PRSS16: variants seen among roughly 807,000 people sequenced by gnomAD.
The protein encoded by PRSS16 is serine protease 16, also known as thymus-specific serine protease.
Under a neutral mutation model 61.7 loss-of-function variants are expected in PRSS16, and 43 were observed. That is an observed-to-expected ratio of 0.70 (90% CI 0.55 to 0.90). The LOEUF (loss-of-function observed/expected upper bound fraction) is 0.90. PRSS16 is among the 40% of genes least tolerant of loss of function. PRSS16 has a pLI of 0.00. For synonymous variants in PRSS16, 273 were observed against 285.2 expected (o/e 0.96, Z 0.43); for missense variants, 591 against 659.1 (o/e 0.90, Z 1.13).
intron 2 of PRSS16, 90 bp downstream of exon 2, chr6:27,248,138 C>A: frequency 7.2e-7 from 1 of 1,398,284 alleles, no homozygotes; most frequent in Non-Finnish European, 9.7e-7. Context: ...TTTTCTCTCT[C>A]CACACCTCAG....
Position 27,249,120 on chromosome 6 carries a change from C to G in PRSS16, c.358C>G (p.Pro120Ala). 2 of 1,547,560 alleles carry G rather than the reference C, an allele frequency of 1.3e-6. No individual in the cohort carries two copies. Among genetic ancestry groups the G allele is most frequent in the Non-Finnish European group, 1.8e-6 (2 of 1,139,626 alleles). Residue 120 changes from proline to alanine, a missense_variant, in exon 4 of 12, where the codon CCA (proline) becomes GCA (alanine). Physicochemically the swap from Pro to Ala is conservative, Grantham distance 27. Transcript: ENST00000230582. ...CACAGGCCATCCCGCAGCCTTGGCC[C>G]CAGCCTGGGGCGCCCTGGTGATAAG... Reference protein sequence around the residue: ...VMRGHPAALAPAWGALVISLE... With the variant: ...VMRGHPAALAAAWGALVISLE...
chr6:27,248,519 T>A (rs1393924945), intron 2 of PRSS16, among the ~76,000 whole-genome samples: 2 of 152,118 alleles, frequency 1.3e-5, no homozygotes, highest in African/African-American at 4.8e-5. Flanking sequence ...CCCACTTGGA[T>A]CTTATTCCTA....
chr6:27,253,294 G>A, intron 9 of PRSS16: 1 of 338,656 alleles, frequency 3.0e-6, no homozygotes, highest in South Asian at 2.7e-5. Context: ...TAGCTAGCCT[G>A]TCAATTACTG....
Position 27,250,816 on chromosome 6 carries a change from C to G in PRSS16, c.591+10C>G, listed in dbSNP as rs1409959137. 2 of 1,602,720 alleles carry G rather than the reference C, an allele frequency of 1.2e-6. No homozygotes were observed. Among genetic ancestry groups the G allele is most frequent in the Admixed American group, 3.4e-5 (2 of 58,906 alleles). ...CTGGGCCCGGCTGAAGGTCCTGCGA[C>G]TCCTCCGGGTGGGCTGGGGGGAGGG... On this transcript the variant is annotated intron_variant, in intron 5 of 11. Coordinates refer to ENST00000230582, the MANE Select transcript of PRSS16 (RefSeq NM_005865.4).
intron 9 of PRSS16, chr6:27,253,268 C>T (rs114857023): frequency 0.026 from 9,701 of 377,102 alleles, 154 homozygotes; most frequent in Non-Finnish European, 0.033. Context: ...GTTTTAGTTG[C>T]TTCCTTCCCA....
At position 27,250,764 on chromosome 6, in the gene PRSS16, A is replaced by AG. The variant is rs1434941056; in HGVS notation, c.551dup (p.Ser185LeufsTer38). ...CCTCCAGCCCCTGGATCTGCTTCGG[A>AG]GGCTCCTATGCCGGCTCCTTGGCCG... On this transcript the variant is annotated frameshift_variant, in exon 5 of 12. Transcript: ENST00000230582. LOFTEE classifies it high-confidence loss of function. 1 of 1,613,604 alleles carries AG rather than the reference A, an allele frequency of 6.2e-7. No individual in the cohort carries two copies. The highest frequency in any genetic ancestry group is 1.7e-5 in the Admixed American group (1 of 59,938).
intron 9 of PRSS16, chr6:27,253,276 C>T (rs1759958147): frequency 5.5e-6 from 2 of 364,578 alleles, no homozygotes; most frequent in Non-Finnish European, 1.1e-5. Flanking sequence ...TGCTTCCTTC[C>T]CATTTTCTAG....
intron 2 of PRSS16, 102 bp downstream of exon 2, chr6:27,248,150 T>C: frequency 7.7e-7 from 1 of 1,305,222 alleles, no homozygotes; most frequent in Non-Finnish European, 1.0e-6. Flanking sequence ...ACACCTCAGT[T>C]CTCCCCATCC....
rs565399183 is a variant in PRSS16, at chr6:27,254,853, C to A, written c.1311C>A (p.Asn437Lys). ...SYYGGQTPGA[N>K]KVLFVNGDTD... ...ACGGTGGCCAGACCCCTGGGGCTAA[C>A]AAAGTGCTGTTTGTTAATGGTGAGC... Residue 437 changes from asparagine to lysine, a missense_variant, in exon 10 of 12, where the codon AAC (asparagine) becomes AAA (lysine). Physicochemically the swap from Asn to Lys is moderately conservative, Grantham distance 94. Coordinates refer to ENST00000230582, the MANE Select transcript of PRSS16 (RefSeq NM_005865.4). 5.6e-6 allele frequency: 9 copies of A among 1,614,090 alleles called. No homozygotes were observed. The highest frequency in any genetic ancestry group is 1.3e-5 in the African/African-American group (1 of 75,026).
chr6:27,248,774 G>A (rs2113725296), intron 2 of PRSS16, 73 bp from the exon 3 acceptor site: 1 of 986,312 alleles, frequency 1.0e-6, no homozygotes, highest in Non-Finnish European at 1.5e-6. Context: ...AAGAGAGACT[G>A]GAACAAATGA....
Position 27,251,570 on chromosome 6 carries a change from C to A in PRSS16, c.718-180C>A. On this transcript the variant is annotated intron_variant, in intron 7 of 11. Coordinates refer to ENST00000230582, the MANE Select transcript of PRSS16 (RefSeq NM_005865.4). The surrounding 1 kb of genome is among the most constrained non-coding windows in gnomAD (Gnocchi z 5.6). ...TGCAGGGAAGACCCGAGAAGGAGGG[C>A]TGCGAGGCAGGGGATTGGGGGCGGG... The A allele has an allele frequency of 2.0e-6, 1 of 510,400 alleles. No homozygotes were observed. Among genetic ancestry groups the A allele is most frequent in the Non-Finnish European group, 2.9e-6 (1 of 342,544 alleles). 31.6% of individuals were successfully genotyped at this position (510,400 alleles called of 1,614,324 possible). A position where few individuals can be genotyped will look rare whatever the true frequency, so the allele number is the denominator to read the frequency against.
rs1445007417 is a variant in PRSS16 at position 27,249,158 on chromosome 6, AT to A, written c.400del (p.Tyr134MetfsTer3). 1 of 1,608,196 alleles carries A rather than the reference AT, an allele frequency of 6.2e-7. No homozygotes were observed. The highest frequency in any genetic ancestry group is 8.5e-7 in the Non-Finnish European group (1 of 1,179,048). ...CCCTGGTGATAAGCCTGGAACACAG[AT>A]TTTATGGCCTGAGTATACCTGCTGG... Reference protein sequence around the residue: ...GALVISLEHRFYGLSIPAGGL... With the variant: ...GALVISLEHRXYGLSIPAGGL... On this transcript the variant is annotated frameshift_variant, in exon 4 of 12. Transcript: ENST00000230582. LOFTEE classifies it high-confidence loss of function.
At chr6:27,253,006 C>G in intron 9 of PRSS16, 57 bp downstream of exon 9, 1 of 1,609,482 alleles carries the variant, frequency 6.2e-7, no homozygotes. Context: ...TTACTATGCC[C>G]AGAGAAGTCA....
Position 27,252,663 on chromosome 6 carries a change from C to T in PRSS16, c.1009-145C>T, listed in dbSNP as rs887049156. On this transcript the variant is annotated intron_variant, in intron 8 of 11. Coordinates refer to ENST00000230582, the MANE Select transcript of PRSS16 (RefSeq NM_005865.4). The surrounding 1 kb of genome is among the most constrained non-coding windows in gnomAD (Gnocchi z 4.2). ...ACTCACAAGGACCCAGGCATCCACC[C>T]CCTCTGACCACTGACTCCCAGGAGA... 2.8e-5 allele frequency: 22 copies of T among 781,104 alleles called. No individual in the cohort carries two copies. Among genetic ancestry groups the T allele is most frequent in the Middle Eastern group, 3.8e-4 (1 of 2,656 alleles). 48.4% of individuals were successfully genotyped at this position (781,104 alleles called of 1,614,324 possible). A position where few individuals can be genotyped will look rare whatever the true frequency, so the allele number is the denominator to read the frequency against.
intron 4 of PRSS16, among the ~76,000 whole-genome samples, chr6:27,250,334 TCTC>T (rs1401637826): frequency 6.6e-6 from 1 of 152,186 alleles, no homozygotes; most frequent in Non-Finnish European, 1.5e-5. Context: ...GACCCCTCCT[TCTC>T]CTCTTAGTAG....
Position 27,252,609 on chromosome 6 carries a change from G to T in PRSS16, c.1009-199G>T, listed in dbSNP as rs919913415. ...TGCCCAAGCTCTCACAGGTAATAAGGTCTCAGTCTTCTAGTGCATTGATCT... is the reference window on the plus strand; with the variant it reads ...TGCCCAAGCTCTCACAGGTAATAAGTTCTCAGTCTTCTAGTGCATTGATCT... On this transcript the variant is annotated intron_variant, in intron 8 of 11. Coordinates refer to ENST00000230582, the MANE Select transcript of PRSS16 (RefSeq NM_005865.4). The surrounding 1 kb of genome is among the most constrained non-coding windows in gnomAD (Gnocchi z 4.2). Among the ~76,000 whole-genome samples the T allele has an allele frequency of 2.0e-5, 3 of 152,088 alleles. No individual in the cohort carries two copies. Among genetic ancestry groups the T allele is most frequent in the Non-Finnish European group, 4.4e-5 (3 of 68,018 alleles).
In PRSS16 at chr6:27,255,492, T is replaced by G; in HGVS notation, c.*177T>G. 1 of 613,060 alleles carries G rather than the reference T, an allele frequency of 1.6e-6. No homozygotes were observed. Among genetic ancestry groups the G allele is most frequent in the South Asian group, 2.1e-5 (1 of 48,570 alleles). 38.0% of individuals were successfully genotyped at this position (613,060 alleles called of 1,614,324 possible). On this transcript the variant is annotated 3_prime_UTR_variant, in exon 12 of 12. Coordinates refer to ENST00000230582, the MANE Select transcript of PRSS16 (RefSeq NM_005865.4). This position sits in a 1 kb window ranked among gnomAD's most constrained non-coding sequence, Gnocchi z 4.4. ...CATCCTTATTCCCAACTTAAAGTGC[T>G]TTATTGCAGAGAGTTATGGAAATAT... is the stretch of plus-strand genomic sequence containing the variant.
chr6:27,251,305 A>G lies in PRSS16; in HGVS notation c.717+41A>G. On this transcript the variant is annotated intron_variant, in intron 7 of 11. Transcript: ENST00000230582. This position sits in a 1 kb window ranked among gnomAD's most constrained non-coding sequence, Gnocchi z 5.6. Reference sequence around the variant, plus strand: ...TAGTCCGAGGGGGACTGGGAGGGAAAAGAGGCCTCGGATGCCAGGGAAGAG... The same window carrying G: ...TAGTCCGAGGGGGACTGGGAGGGAAGAGAGGCCTCGGATGCCAGGGAAGAG... 6.4e-7 allele frequency: 1 copy of G among 1,559,458 alleles called. No homozygotes were observed. Among genetic ancestry groups the G allele is most frequent in the Non-Finnish European group, 8.7e-7 (1 of 1,155,522 alleles).
intron 5 of PRSS16, 79 bp from the exon 6 acceptor site, chr6:27,250,963 G>T: frequency 6.3e-7 from 1 of 1,588,310 alleles, no homozygotes; most frequent in Non-Finnish European, 8.6e-7. Flanking sequence ...AGATTACACA[G>T]CGAGTAAGTG....
Sources: allele counts gnomAD v4.1 joint callset (sites outside exome capture counted in the v4.1 genomes callset), GRCh38; gene constraint gnomAD v4.1.1; non-coding constraint Gnocchi (gnomAD v3.1); transcripts MANE v1.5; gene names NCBI Gene and HGNC (gene_info 2026-07-23, HGNC 2026-07-21).